RIPOR2: variants seen among roughly 807,000 people sequenced by gnomAD.
RIPOR2 encodes the protein RHO family interacting cell polarization regulator 2.
Under a neutral mutation model 114.5 loss-of-function variants are expected in RIPOR2, and 39 were observed. The observed-to-expected ratio is 0.34, with a 90% confidence interval of 0.26 to 0.44. The LOEUF (loss-of-function observed/expected upper bound fraction) is 0.44, where lower values mean the gene tolerates loss of function less well. RIPOR2 is among the 20% of genes least tolerant of loss of function. RIPOR2 has a pLI of 1.00. For missense variants in RIPOR2, 1,007 were observed against 1,255.1 expected (o/e 0.80, Z 2.99); for synonymous variants, 445 against 484.4 (o/e 0.92, Z 1.07).
rs1034241909 is a variant in RIPOR2 at position 24,883,281 on chromosome 6, G to A, written c.62-7464C>T. Among the ~76,000 whole-genome samples, 2 of 152,172 alleles carry A rather than the reference G, an allele frequency of 1.3e-5. No individual in the cohort carries two copies. Among genetic ancestry groups the A allele is most frequent in the African/African-American group, 4.8e-5 (2 of 41,424 alleles). On this transcript the variant is annotated intron_variant, in intron 1 of 21. Transcript: ENST00000643898. This position sits in a 1 kb window ranked among gnomAD's most constrained non-coding sequence, Gnocchi z 4.1. The stretch of plus-strand genomic sequence containing the variant: ...AAGGCATTTCTCATGGGGGCCAAAC[G>A]TCAACTTGGAAACCAATAGTTGTCA...
At chr6:24,942,942 CT>C (rs1406809560) in intron 1 of RIPOR2, among the ~76,000 whole-genome samples, 1 of 152,170 alleles carries the variant, frequency 6.6e-6, no homozygotes, top group Non-Finnish European at 1.5e-5. Flanking sequence ...TCAAATTTGG[CT>C]TTTGTTGCCA....
chr6:24,922,407 T>C (rs1362942127), intron 1 of RIPOR2, among the ~76,000 whole-genome samples: 2 of 152,234 alleles, frequency 1.3e-5, no homozygotes, highest in Non-Finnish European at 2.9e-5. Flanking sequence ...TTGGTCAGCG[T>C]CAGCTGCCTA....
intron 1 of RIPOR2, among the ~76,000 whole-genome samples, chr6:24,963,675 A>G (rs1342992407): frequency 1.3e-5 from 2 of 152,232 alleles, no homozygotes; most frequent in East Asian, 3.8e-4. Context: ...CAAGCTGCAG[A>G]AAAGTTATGT....
chr6:24,897,828 G>A (rs919103408), intron 1 of RIPOR2, among the ~76,000 whole-genome samples: 1 of 151,938 alleles, frequency 6.6e-6, no homozygotes, highest in African/African-American at 2.4e-5. Flanking sequence ...GTGCAGCAGC[G>A]GGATCTCGGC....
intron 1 of RIPOR2, among the ~76,000 whole-genome samples, chr6:24,945,796 A>G (rs12202529): frequency 0.12 from 18,633 of 152,142 alleles, 1,396 homozygotes; most frequent in East Asian, 0.33. Context: ...AAACTAGAAA[A>G]ATATCAATTT....
chr6:24,944,942 G>T (rs921825776), intron 1 of RIPOR2, among the ~76,000 whole-genome samples: 5 of 152,112 alleles, frequency 3.3e-5, no homozygotes, highest in African/African-American at 1.2e-4. Flanking sequence ...TCTAGTGTTT[G>T]ACAGTACAGT....
chr6:24,990,813 C>G (rs1477927251), intron 1 of RIPOR2, among the ~76,000 whole-genome samples: 3 of 152,212 alleles, frequency 2.0e-5, no homozygotes, highest in South Asian at 4.1e-4. Context: ...ATGGATGGGC[C>G]AGGAGAATCC....
intron 1 of RIPOR2, among the ~76,000 whole-genome samples, chr6:25,001,107 T>A (rs965445336): frequency 2.0e-5 from 3 of 152,354 alleles, no homozygotes; most frequent in Admixed American, 1.3e-4. Context: ...TGCACATATA[T>A]ACGTGTAAAC....
At chr6:24,965,230 C>A (rs1773475005) in intron 1 of RIPOR2, among the ~76,000 whole-genome samples, 1 of 152,008 alleles carries the variant, frequency 6.6e-6, no homozygotes, top group Non-Finnish European at 1.5e-5. Context: ...CTCCACCTCC[C>A]AAGCTCAAGA....
chr6:24,957,707 A>T (rs1257058620), intron 1 of RIPOR2, among the ~76,000 whole-genome samples: 1 of 151,864 alleles, frequency 6.6e-6, no homozygotes, highest in Non-Finnish European at 1.5e-5. Context: ...CCCCGTCTCC[A>T]CTGAAAAATA....
At chr6:24,873,867 T>G (rs1276227081) in intron 2 of RIPOR2, 68 bp from the exon 3 acceptor site, 6 of 1,314,208 alleles carry the variant, frequency 4.6e-6, no homozygotes, top group Non-Finnish European at 6.4e-6. Flanking sequence ...GAAAAATGTC[T>G]TCTATTATTT....
intron 1 of RIPOR2, among the ~76,000 whole-genome samples, chr6:24,980,378 G>GA (rs1241698577): frequency 6.6e-6 from 1 of 152,190 alleles, no homozygotes; most frequent in Non-Finnish European, 1.5e-5. Context: ...AAGAGGGAGT[G>GA]AAATCAAGAC....
intron 1 of RIPOR2, among the ~76,000 whole-genome samples, chr6:25,000,046 T>A (rs116217910): frequency 0.023 from 3,446 of 152,270 alleles, 126 homozygotes; most frequent in African/African-American, 0.073. Flanking sequence ...ACCCTTCATC[T>A]TTTGCCTTCA....
At chr6:24,811,944 C>T (rs1581467311) in intron 20 of RIPOR2, among the ~76,000 whole-genome samples, 1 of 8,164 alleles carries the variant, frequency 1.2e-4, no homozygotes, top group African/African-American at 1.8e-4. Flanking sequence ...GTTTTTTGTT[C>T]TTGCGATAGT....
chr6:24,863,848 T>C (rs1764325285), intron 7 of RIPOR2, among the ~76,000 whole-genome samples: 2 of 152,242 alleles, frequency 1.3e-5, no homozygotes, highest in South Asian at 4.1e-4. Context: ...CACTACTAGA[T>C]CTTATAATTT....
At chr6:24,912,460 C>CT (rs1491038397) in intron 1 of RIPOR2, among the ~76,000 whole-genome samples, 1 of 105,610 alleles carries the variant, frequency 9.5e-6, no homozygotes, top group Non-Finnish European at 1.8e-5. Flanking sequence ...GATCCCTTGC[C>CT]CCCCCCCTTT....
chr6:24,857,034 C>T (rs1763539195), intron 8 of RIPOR2, among the ~76,000 whole-genome samples: 1 of 152,290 alleles, frequency 6.6e-6, no homozygotes, highest in East Asian at 1.9e-4. Flanking sequence ...GCTGTAGTGG[C>T]ATCACTGATC....
rs572562457 is a variant in RIPOR2, at chr6:24,892,726, G to A, written c.62-16909C>T. Among the ~76,000 whole-genome samples the A allele has an allele frequency of 6.3e-4, 96 of 152,128 alleles. 1 individual carries two copies. Among genetic ancestry groups the A allele is most frequent in the Non-Finnish European group, 1.0e-3 (71 of 68,032 alleles). ...TTCACAGGGCCTCAGACTTCTTACT[G>A]ATTAATGAATTTATTCGTGGGAAAA... On this transcript the variant is annotated intron_variant, in intron 1 of 21. Transcript: ENST00000643898.
chr6:24,860,559 C>T lies in RIPOR2; in HGVS notation c.715+414G>A, dbSNP rs116244627. Among the ~76,000 whole-genome samples the T allele has an allele frequency of 7.0e-3, 1,069 of 152,294 alleles. 9 individuals are homozygous for T. The highest frequency in any genetic ancestry group is 0.022 in the African/African-American group (922 of 41,550). On this transcript the variant is annotated intron_variant, in intron 8 of 21. Transcript: ENST00000643898. ...TTGGCATCGTGGTTATGTAAGATGA[C>T]AGCCCCATGCTTTAAGAGATGCATA...
Sources: allele counts gnomAD v4.1 joint callset (sites outside exome capture counted in the v4.1 genomes callset), GRCh38; gene constraint gnomAD v4.1.1; non-coding constraint Gnocchi (gnomAD v3.1); transcripts MANE v1.5; gene names NCBI Gene and HGNC (gene_info 2026-07-23, HGNC 2026-07-21).